Variants in SACS observed in about 807,000 individuals in gnomAD.
SACS encodes sacsin molecular chaperone, also known as sacsin.
In SACS, 197 loss-of-function variants were observed where a neutral mutation model predicts 348.0. The observed-to-expected ratio is 0.57, with a 90% CI of 0.50 to 0.64. The LOEUF (loss-of-function observed/expected upper bound fraction) is 0.64, where lower values mean the gene tolerates loss of function less well. SACS is among the 30% of genes least tolerant of loss of function. The pLI is 0.00. For synonymous variants in SACS, 1,985 were observed against 1,910.6 expected, an observed-to-expected ratio of 1.04 and a Z score of -1.02; for missense variants, 4,999 against 5,360.8, an observed-to-expected ratio of 0.93 and a Z score of 2.11.
In SACS at chr13:23,391,691, C is replaced by A. The variant is rs1037870199; in HGVS notation, c.21-16422G>T. ...TGGCTTCTCATGGTTCCGTTTCCCC[C>A]TTTGCACATAAACCCATGATTGATC... On this transcript the variant is annotated intron_variant, in intron 2 of 9. Transcript: ENST00000382292. 1.4e-4 allele frequency among the ~76,000 whole-genome samples: 22 copies of A among 152,276 alleles called. No homozygotes were observed. The South Asian group carries it at 1.4e-3, about 10-fold the overall frequency.
intron 2 of SACS, among the ~76,000 whole-genome samples, chr13:23,387,882 T>C (rs868079991): frequency 2.0e-5 from 3 of 152,114 alleles, no homozygotes; most frequent in Non-Finnish European, 4.4e-5. Flanking sequence ...AAATGCATAT[T>C]AAAACCACAA....
chr13:23,399,114 T>A (rs1593172905), intron 2 of SACS, among the ~76,000 whole-genome samples: 1 of 150,992 alleles, frequency 6.6e-6, no homozygotes, highest in African/African-American at 2.4e-5. Flanking sequence ...CATTCTAAAG[T>A]TCACCTTAAT....
chr13:23,374,559 A>G (rs977388025), intron 3 of SACS, among the ~76,000 whole-genome samples: 3 of 152,342 alleles, frequency 2.0e-5, no homozygotes, highest in African/African-American at 7.2e-5. Flanking sequence ...ATTTTAACCA[A>G]TCTTAAAGAA....
At position 23,336,690 on chromosome 13, in the gene SACS, T is replaced by C. The variant is rs1361365453; in HGVS notation, c.7186A>G (p.Thr2396Ala). 4 of 1,613,822 alleles carry C rather than the reference T, an allele frequency of 2.5e-6. No individual in the cohort carries two copies. The African/African-American group carries it at 5.3e-5, about 22-fold the overall frequency. ...FETVGVRQSC[T>A]VEDFALVLES... The stretch of plus-strand genomic sequence containing the variant: ...AAAACAAGAGCAAAATCTTCAACAG[T>C]GCATGACTGCCTCACACCCACGGTT... Residue 2396 changes from threonine to alanine, a missense_variant, in exon 10 of 10, where the codon ACT becomes GCT. Physicochemically the swap from Thr to Ala is moderately conservative, Grantham distance 58 (BLOSUM62 0). This residue lies in a region of SACS where 3,156 missense variants were observed against 3,380.1 expected (regional missense o/e 0.93). Coordinates refer to ENST00000382292, the MANE Select transcript of SACS (RefSeq NM_014363.6).
intron 9 of SACS, among the ~76,000 whole-genome samples, chr13:23,348,013 TA>T (rs1230272437): frequency 6.6e-6 from 1 of 152,192 alleles, no homozygotes; most frequent in East Asian, 1.9e-4. Context: ...ATGAAAATTT[TA>T]AAAATTATAA....
chr13:23,432,015 C>T (rs1379762533), intron 1 of SACS, among the ~76,000 whole-genome samples: 8 of 152,340 alleles, frequency 5.3e-5, no homozygotes, highest in African/African-American at 1.9e-4. Flanking sequence ...CACCTGGTTT[C>T]AACCCTGTGA....
At chr13:23,342,762 T>C (rs1869351118) in intron 9 of SACS, among the ~76,000 whole-genome samples, 1 of 151,948 alleles carries the variant, frequency 6.6e-6, no homozygotes, top group Admixed American at 6.6e-5. Flanking sequence ...GAGACTGGAG[T>C]CTCAGTTGCA....
intron 6 of SACS, among the ~76,000 whole-genome samples, chr13:23,363,415 A>G (rs1870864755): frequency 6.9e-6 from 1 of 145,168 alleles, no homozygotes; most frequent in Non-Finnish European, 1.5e-5. Context: ...TTTAGTAGAG[A>G]CAGGTTTCAA....
At position 23,330,626 on chromosome 13, in the gene SACS, TTGTTC is replaced by T; in HGVS notation, c.13245_13249del (p.Asn4416ArgfsTer47). ...TCCGGCTGAAGGGGGGCATTTTTCT[TTGTTC>T]TGTTGCTGTCTTTCAGATTTATGGC... is the stretch of plus-strand genomic sequence containing the variant. On this transcript the variant is annotated frameshift_variant, in exon 10 of 10. Coordinates refer to ENST00000382292, the MANE Select transcript of SACS (RefSeq NM_014363.6). LOFTEE classifies it high-confidence loss of function. The T allele has an allele frequency of 6.2e-7, 1 of 1,613,914 alleles. No homozygotes were observed. Among genetic ancestry groups the T allele is most frequent in the Non-Finnish European group, 8.5e-7 (1 of 1,179,990 alleles).
At chr13:23,392,006 A>G (rs1008812) in intron 2 of SACS, among the ~76,000 whole-genome samples, 76,421 of 152,028 alleles carry the variant, frequency 0.5, 19,867 homozygotes, top group East Asian at 0.8. Context: ...GGAAGGGCTC[A>G]GAATCACGCA....
rs1869849797 is a variant in SACS at position 23,349,971 on chromosome 13, AG to A, written c.2185+3813del. Among the ~76,000 whole-genome samples, 3 of 152,338 alleles carry A rather than the reference AG, an allele frequency of 2.0e-5. No individual in the cohort carries two copies. The South Asian group carries it at 6.2e-4, about 32-fold the overall frequency. On this transcript the variant is annotated intron_variant, in intron 9 of 9. Transcript: ENST00000382292. ...GGAGTGGATGAATGTATTCAAGGAA[AG>A]GAACAAAGTAAAAGAGCTGAGGAAG...
At position 23,335,149 on chromosome 13, in the gene SACS, C is replaced by T. The variant is rs1555250949; in HGVS notation, c.8727G>A (p.Trp2909Ter). Residue 2909 changes from tryptophan to a stop codon, truncating the protein, a stop_gained, in exon 10 of 10, where the codon TGG (tryptophan) becomes TGA (stop). Coordinates refer to ENST00000382292, the MANE Select transcript of SACS (RefSeq NM_014363.6). LOFTEE classifies it high-confidence loss of function. This position sits in a 1 kb window ranked among gnomAD's most constrained non-coding sequence, Gnocchi z 4.7. ...TTAATGCTGTCATTAAACTGTTATT[C>T]CAGTCACTTCGAACACCAACTCCAT... ...DDNGVGVRSD[W>*]NNSLMTALIA... 6.2e-7 allele frequency: 1 copy of T among 1,613,890 alleles called. No individual in the cohort carries two copies. The highest frequency in any genetic ancestry group is 1.1e-5 in the South Asian group (1 of 91,066).
intron 2 of SACS, among the ~76,000 whole-genome samples, chr13:23,388,487 G>GTA (rs71100176): frequency 0.037 from 5,244 of 140,082 alleles, 323 homozygotes; most frequent in African/African-American, 0.13. Context: ...TGGTGTGTGT[G>GTA]TATATATATA....
chr13:23,428,781 A>G (rs1422940948), intron 1 of SACS: 1 of 152,232 alleles, frequency 6.6e-6, no homozygotes, highest in Non-Finnish European at 1.5e-5. Flanking sequence ...TACTTTGCTG[A>G]AAGTTGCTCA....
At chr13:23,399,411 C>A (rs1055221649) in intron 2 of SACS, among the ~76,000 whole-genome samples, 1 of 152,118 alleles carries the variant, frequency 6.6e-6, no homozygotes, top group Non-Finnish European at 1.5e-5. Context: ...TTCTGGCTAC[C>A]CATTCTGTAA....
At chr13:23,348,803 A>C (rs1869776042) in intron 9 of SACS, among the ~76,000 whole-genome samples, 1 of 152,208 alleles carries the variant, frequency 6.6e-6, no homozygotes, top group Non-Finnish European at 1.5e-5. Context: ...GCTATGAGAA[A>C]ATTTTCATGC....
intron 2 of SACS, among the ~76,000 whole-genome samples, chr13:23,382,850 T>C (rs1209347857): frequency 2.0e-5 from 3 of 149,834 alleles, no homozygotes; most frequent in African/African-American, 7.3e-5. Flanking sequence ...AGTGTGATCA[T>C]GGCTCACTGC....
At chr13:23,385,578 G>T (rs1037407435) in intron 2 of SACS, among the ~76,000 whole-genome samples, 1 of 151,990 alleles carries the variant, frequency 6.6e-6, no homozygotes. Context: ...GGCTGGTCTC[G>T]AATTCCTGAC....
In SACS at chr13:23,341,601, C is replaced by A; in HGVS notation, c.2275G>T (p.Glu759Ter). 1 of 1,613,924 alleles carries A rather than the reference C, an allele frequency of 6.2e-7. No homozygotes were observed. The highest frequency in any genetic ancestry group is 1.1e-5 in the South Asian group (1 of 91,082). Reference protein sequence around the residue: ...EVMNTFWPGRELIVQWYPFDE... With the variant: ...EVMNTFWPGR Reference sequence around the variant, plus strand: ...AATGGATACCATTGAACAATCAATTCTCTGCCAGGCCAGAATGTATTCATT... The same window carrying A: ...AATGGATACCATTGAACAATCAATTATCTGCCAGGCCAGAATGTATTCATT... Residue 759 changes from glutamate to a stop codon, truncating the protein, a stop_gained, in exon 10 of 10, where the codon GAA (glutamate) becomes TAA (stop). Coordinates refer to ENST00000382292, the MANE Select transcript of SACS (RefSeq NM_014363.6). LOFTEE classifies it high-confidence loss of function.
Sources: gnomAD v4.1 joint callset for allele counts (sites outside exome capture counted in the v4.1 genomes callset) on GRCh38, gnomAD v4.1.1 for gene constraint, gnomAD v4.1.1 regional missense constraint, Gnocchi (gnomAD v3.1) non-coding constraint, MANE v1.5 for transcripts, NCBI Gene and HGNC (gene_info 2026-07-23, HGNC 2026-07-21) for gene names.